POLR3B: variants seen among roughly 807,000 people sequenced by gnomAD.
The protein encoded by POLR3B is RNA polymerase III subunit B, also known as DNA-directed RNA polymerase III subunit RPC2.
Under a neutral mutation model 147.4 loss-of-function variants are expected in POLR3B, and 96 were observed. That is an observed-to-expected ratio of 0.65 (90% CI 0.55 to 0.77). POLR3B has a LOEUF of 0.77. POLR3B is among the 30% of genes least tolerant of loss of function. The probability of loss-of-function intolerance (pLI) is 0.00; values close to 1 mark genes in which losing one functional copy is unlikely to be tolerated. For missense variants in POLR3B, 1,036 were observed against 1,413.5 expected (o/e 0.73, Z 4.28); for synonymous variants, 461 against 485.9 (o/e 0.95, Z 0.67).
chr12:106,398,723 G>T (rs556181584), intron 10 of POLR3B, among the ~76,000 whole-genome samples: 2 of 152,224 alleles, frequency 1.3e-5, no homozygotes, highest in African/African-American at 4.8e-5. Context: ...AGGCAAACAG[G>T]GTCTGGAGTG....
At chr12:106,409,701 T>C (rs2037200077) in intron 11 of POLR3B, among the ~76,000 whole-genome samples, 1 of 151,642 alleles carries the variant, frequency 6.6e-6, no homozygotes, top group Admixed American at 6.6e-5. Context: ...TGCAGTCTAT[T>C]GATTTATTGT....
intron 5 of POLR3B, 32 bp from the exon 6 acceptor site, chr12:106,369,551 C>T (rs1280402518): frequency 1.4e-6 from 2 of 1,381,254 alleles, no homozygotes; most frequent in Admixed American, 3.3e-5. Flanking sequence ...CAGAGAGGAG[C>T]AGTAACTGTC....
chr12:106,373,821 A>G (rs940691656), intron 6 of POLR3B, among the ~76,000 whole-genome samples: 1 of 152,090 alleles, frequency 6.6e-6, no homozygotes, highest in Non-Finnish European at 1.5e-5. Flanking sequence ...ATATGGTTAG[A>G]TTTTTTAAAA....
intron 25 of POLR3B, among the ~76,000 whole-genome samples, chr12:106,499,779 A>G (rs868814969): frequency 6.6e-6 from 1 of 152,166 alleles, no homozygotes. Context: ...TACCCTCTCC[A>G]TTGTGCCTTC....
intron 2 of POLR3B, among the ~76,000 whole-genome samples, chr12:106,365,199 G>C (rs1385599966): frequency 2.0e-5 from 3 of 152,128 alleles, no homozygotes; most frequent in Non-Finnish European, 4.4e-5. Context: ...GAGTTCAGTT[G>C]CGTGTTATGG....
At chr12:106,409,895 G>GC (rs2037203027) in intron 11 of POLR3B, among the ~76,000 whole-genome samples, 1 of 152,048 alleles carries the variant, frequency 6.6e-6, no homozygotes, top group Non-Finnish European at 1.5e-5. Flanking sequence ...ATCTACTTCA[G>GC]TTTTTTTGTC....
chr12:106,373,417 G>C (rs2036636069), intron 6 of POLR3B, among the ~76,000 whole-genome samples: 1 of 151,724 alleles, frequency 6.6e-6, no homozygotes, highest in African/African-American at 2.4e-5. Context: ...CTTTCTTTTG[G>C]TTATATTTCT....
rs150449680 is a variant in POLR3B, at chr12:106,482,711, T to A, written c.2714-13344T>A. On this transcript the variant is annotated intron_variant, in intron 23 of 27. Coordinates refer to ENST00000228347, the MANE Select transcript of POLR3B (RefSeq NM_018082.6). ...TCACTTAGGTAAGTATATTTTAGGT[T>A]CGTTGAGATTAGGAAACATGCCCTG... Among the ~76,000 whole-genome samples the A allele has an allele frequency of 9.4e-3, 1,424 of 152,286 alleles. 5 individuals carry two copies. The highest frequency in any genetic ancestry group is 0.015 in the Non-Finnish European group (1,004 of 68,016).
intron 17 of POLR3B, among the ~76,000 whole-genome samples, chr12:106,437,445 G>A (rs1164977379): frequency 6.6e-6 from 1 of 151,984 alleles, no homozygotes; most frequent in Non-Finnish European, 1.5e-5. Flanking sequence ...TTTTTTTTAA[G>A]AAGTGGGGAC....
At chr12:106,369,213 G>C (rs1019013761) in intron 4 of POLR3B, 62 bp from the exon 5 acceptor site, 111 of 864,750 alleles carry the variant, frequency 1.3e-4, no homozygotes, top group Non-Finnish European at 1.9e-4. Flanking sequence ...AAGGAAAATA[G>C]CTTGTTTGCT....
chr12:106,484,963 A>C (rs998041172), intron 23 of POLR3B, among the ~76,000 whole-genome samples: 1 of 152,166 alleles, frequency 6.6e-6, no homozygotes, highest in Non-Finnish European at 1.5e-5. Flanking sequence ...GGCATATCCT[A>C]TAGGGCCTTT....
At chr12:106,474,812 A>G (rs898705853) in intron 23 of POLR3B, among the ~76,000 whole-genome samples, 24 of 151,674 alleles carry the variant, frequency 1.6e-4, no homozygotes, top group Middle Eastern at 6.8e-3. Flanking sequence ...CTTTCAAAAA[A>G]CCAGCTCCTG....
rs185142408 is a variant in POLR3B at position 106,496,968 on chromosome 12, A to C, written c.2984+50A>C. On this transcript the variant is annotated intron_variant, in intron 25 of 27. Coordinates refer to ENST00000228347, the MANE Select transcript of POLR3B (RefSeq NM_018082.6). ...AAAGAAAAAGAATGGTTTTACTAGGATAGGGGAGACAAAGCCTTAAGGTAT... is the reference window on the plus strand; with the variant it reads ...AAAGAAAAAGAATGGTTTTACTAGGCTAGGGGAGACAAAGCCTTAAGGTAT... 9.2e-5 allele frequency: 143 copies of C among 1,559,324 alleles called. No individual in the cohort carries two copies. In the Admixed American group the frequency reaches 2.3e-3, roughly 25 times the overall value.
intron 23 of POLR3B, among the ~76,000 whole-genome samples, chr12:106,490,332 C>T (rs1450831538): frequency 6.6e-6 from 1 of 152,180 alleles, no homozygotes; most frequent in Non-Finnish European, 1.5e-5. Context: ...GTAAGGGTTT[C>T]AATTAATCAG....
chr12:106,493,752 G>T (rs950751728), intron 23 of POLR3B, among the ~76,000 whole-genome samples: 2 of 152,182 alleles, frequency 1.3e-5, no homozygotes, highest in Non-Finnish European at 2.9e-5. Flanking sequence ...GGTAGAAGCC[G>T]CAATGATGGA....
intron 1 of POLR3B, among the ~76,000 whole-genome samples, chr12:106,360,833 T>C (rs988182422): frequency 6.6e-6 from 1 of 152,356 alleles, no homozygotes. Context: ...CAGTGTGTTA[T>C]AGGCTTATAG....
chr12:106,492,017 C>G (rs1469287465), intron 23 of POLR3B, among the ~76,000 whole-genome samples: 1 of 152,250 alleles, frequency 6.6e-6, no homozygotes, highest in Non-Finnish European at 1.5e-5. Context: ...CTAGTCAGGT[C>G]TCAACACACT....
intron 23 of POLR3B, among the ~76,000 whole-genome samples, chr12:106,463,916 CA>C (rs750124158): frequency 3.3e-5 from 5 of 149,974 alleles, no homozygotes; most frequent in Admixed American, 6.6e-5. Flanking sequence ...TGTAGCTGTT[CA>C]AAAAATAAAT....
At chr12:106,456,118 T>C (rs761503100) in intron 20 of POLR3B, among the ~76,000 whole-genome samples, 14 of 152,138 alleles carry the variant, frequency 9.2e-5, no homozygotes, top group African/African-American at 3.4e-4. Flanking sequence ...AGGAGATTAG[T>C]AAGAGAATCC....
Sources: gnomAD v4.1 joint callset for allele counts (sites outside exome capture counted in the v4.1 genomes callset) on GRCh38, gnomAD v4.1.1 for gene constraint, MANE v1.5 for transcripts, NCBI Gene and HGNC (gene_info 2026-07-23, HGNC 2026-07-21) for gene names.